GLIS3: variants seen among roughly 807,000 people sequenced by gnomAD.
The protein encoded by GLIS3 is zinc finger protein GLIS3.
GLIS3 carries 53 observed loss-of-function variants against 78.6 expected under a neutral mutation model. That is an observed-to-expected ratio of 0.67 (90% confidence interval 0.54 to 0.85). The LOEUF (loss-of-function observed/expected upper bound fraction) is 0.85. Among genes scored for constraint, GLIS3 ranks in the 40% least tolerant of loss-of-function variants. GLIS3 has a pLI of 0.00. For missense variants in GLIS3, 1,703 were observed against 1,231.1 expected (o/e 1.38, Z -5.74); for synonymous variants, 684 against 509.9 (o/e 1.34, Z -4.60).
chr9:4,388,691 A>C, the GLIS3 span, among the ~76,000 whole-genome samples: 1 of 152,178 alleles, frequency 6.6e-6, no homozygotes, highest in Non-Finnish European at 1.5e-5. Flanking sequence ...CAATAAAAAA[A>C]ATAAAAATAA....
At chr9:3,845,445 T>C (rs1419550341) in intron 9 of GLIS3, among the ~76,000 whole-genome samples, 3 of 152,154 alleles carry the variant, frequency 2.0e-5, no homozygotes, top group African/African-American at 7.2e-5. Context: ...TTAATAGTCA[T>C]TACCTTTGAG....
chr9:4,397,473 G>C, the GLIS3 span, among the ~76,000 whole-genome samples: 5 of 151,636 alleles, frequency 3.3e-5, no homozygotes, highest in Non-Finnish European at 5.9e-5. Flanking sequence ...AATAGTAGGT[G>C]GGATGTGTCC....
chr9:4,457,209 A>C, the GLIS3 span, among the ~76,000 whole-genome samples: 2 of 152,154 alleles, frequency 1.3e-5, no homozygotes, highest in East Asian at 3.9e-4. Flanking sequence ...TAAAAATAAA[A>C]AATTACCCTG....
intron 4 of GLIS3, among the ~76,000 whole-genome samples, chr9:4,028,953 T>C (rs1166445550): frequency 6.6e-6 from 1 of 152,086 alleles, no homozygotes; most frequent in Non-Finnish European, 1.5e-5. Context: ...CACATTCAGG[T>C]GGTAAGATAC....
intron 9 of GLIS3, among the ~76,000 whole-genome samples, chr9:3,843,441 A>G (rs182692839): frequency 1.3e-5 from 2 of 152,286 alleles, no homozygotes; most frequent in Non-Finnish European, 2.9e-5. Flanking sequence ...ATGGAAACCT[A>G]TATAAGTGGC....
At chr9:4,385,651 G>C in the GLIS3 span, among the ~76,000 whole-genome samples, 1,621 of 102,774 alleles carry the variant, frequency 0.016, 23 homozygotes, top group Non-Finnish European at 0.023. Context: ...GGTGACAACA[G>C]TGAAACTCCA....
chr9:3,999,675 A>G (rs959888167), intron 4 of GLIS3, among the ~76,000 whole-genome samples: 5 of 152,158 alleles, frequency 3.3e-5, no homozygotes, highest in African/African-American at 1.2e-4. Context: ...CACTATTGTA[A>G]ACATGTTAAT....
chr9:4,381,432 T>C, the GLIS3 span, among the ~76,000 whole-genome samples: 1 of 152,218 alleles, frequency 6.6e-6, no homozygotes, highest in Non-Finnish European at 1.5e-5. Context: ...CAGTATCTGA[T>C]ATATAATAAG....
chr9:4,446,948 C>T, the GLIS3 span, among the ~76,000 whole-genome samples: 1 of 152,136 alleles, frequency 6.6e-6, no homozygotes, highest in Non-Finnish European at 1.5e-5. Context: ...AACACATACA[C>T]CAATTTTTGC....
intron 2 of GLIS3, among the ~76,000 whole-genome samples, chr9:4,172,167 T>C (rs961686424): frequency 2.6e-5 from 4 of 152,310 alleles, no homozygotes; most frequent in Middle Eastern, 6.8e-3. Context: ...TTGGAATAAA[T>C]CCACATGAAT....
the GLIS3 span, among the ~76,000 whole-genome samples, chr9:4,393,601 G>A: frequency 6.6e-6 from 1 of 152,008 alleles, no homozygotes; most frequent in Admixed American, 6.6e-5. Context: ...CATTCTTTCT[G>A]TTTCTGACCT....
At chr9:4,264,747 C>A (rs370472546) in intron 2 of GLIS3, among the ~76,000 whole-genome samples, 7 of 152,134 alleles carry the variant, frequency 4.6e-5, no homozygotes, top group African/African-American at 1.7e-4. Flanking sequence ...CACTTATTAA[C>A]CCCCAAGAAA....
chr9:4,217,214 C>T (rs1481760485), intron 2 of GLIS3, among the ~76,000 whole-genome samples: 4 of 152,190 alleles, frequency 2.6e-5, no homozygotes, highest in Non-Finnish European at 1.5e-5. Flanking sequence ...GACTTTCATG[C>T]TTCAAAAGAA....
intron 4 of GLIS3, among the ~76,000 whole-genome samples, chr9:3,980,449 G>A (rs1167530934): frequency 6.6e-6 from 1 of 152,136 alleles, no homozygotes; most frequent in African/African-American, 2.4e-5. Flanking sequence ...AGACATACCA[G>A]CAGGCTGCCA....
chr9:4,111,586 C>A (rs1354472006), intron 4 of GLIS3, among the ~76,000 whole-genome samples: 3 of 152,210 alleles, frequency 2.0e-5, no homozygotes, highest in Non-Finnish European at 2.9e-5. Context: ...AATGCCCCAT[C>A]TAATGAGGAT....
At chr9:3,988,021 T>G (rs557091807) in intron 4 of GLIS3, among the ~76,000 whole-genome samples, 38 of 152,170 alleles carry the variant, frequency 2.5e-4, no homozygotes, top group African/African-American at 8.9e-4. Context: ...ATTTAAGGTC[T>G]ACAACTTGAT....
At chr9:4,483,725 A>G in the GLIS3 span, among the ~76,000 whole-genome samples, 18 of 139,262 alleles carry the variant, frequency 1.3e-4, no homozygotes, top group South Asian at 4.3e-3. Context: ...CGTCTTGGGA[A>G]AAAAAAAAAA....
chr9:3,861,371 ACCAGAAATACCATTTGAC>A (rs1820201367), intron 8 of GLIS3, among the ~76,000 whole-genome samples: 2 of 152,146 alleles, frequency 1.3e-5, no homozygotes, highest in Non-Finnish European at 1.5e-5. Context: ...AAGACCTAGA[ACCAGAAATACCATTTGAC>A]CCAGAAATCC....
At chr9:4,218,478 C>G (rs998995264) in intron 2 of GLIS3, among the ~76,000 whole-genome samples, 2 of 152,214 alleles carry the variant, frequency 1.3e-5, no homozygotes, top group Admixed American at 6.5e-5. Context: ...CGGGGTTTCA[C>G]TGTGTTAGCC....
Sources: allele counts gnomAD v4.1 joint callset (sites outside exome capture counted in the v4.1 genomes callset), GRCh38; gene constraint gnomAD v4.1.1; transcripts MANE v1.5; gene names NCBI Gene and HGNC (gene_info 2026-07-23, HGNC 2026-07-21).